The following ZFR variants were observed in gnomAD, a reference collection of about 807,000 sequenced individuals.
ZFR encodes zinc finger RNA binding protein.
In ZFR, 19 loss-of-function variants were observed where a neutral mutation model predicts 130.7. That is an observed-to-expected ratio of 0.15 (90% CI 0.10 to 0.21). ZFR has a LOEUF of 0.21. Among genes scored for constraint, ZFR ranks in the 10% least tolerant of loss-of-function variants. The pLI is 1.00. For missense variants in ZFR, 872 were observed against 1,321.5 expected, an observed-to-expected ratio of 0.66 and a Z score of 5.27; for synonymous variants, 466 against 456.9, an observed-to-expected ratio of 1.02 and a Z score of -0.25.
At chr5:32,416,465 T>C (rs944479882) in intron 4 of ZFR, among the ~76,000 whole-genome samples, 5 of 151,756 alleles carry the variant, frequency 3.3e-5, no homozygotes, top group Non-Finnish European at 5.9e-5. Context: ...AAATACAGAA[T>C]TAGCTGGGCA....
rs750098346 is a variant in ZFR at position 32,403,928 on chromosome 5, A to G, written c.1202T>C (p.Ile401Thr). 6.3e-7 allele frequency: 1 copy of G among 1,592,808 alleles called. No individual in the cohort carries two copies. The change falls in exon 7 of 20, where the codon ATT (isoleucine) becomes ACT (threonine). Residue 401 changes from isoleucine to threonine, a missense_variant. Transcript: ENST00000265069. ...CTGADAYAAH[I>T]RGAKHQKVVK... ...TACTTTCTGATGCTTAGCACCACGA[A>G]TGTGGGCAGCATACGCATCTGCTCC...
intron 17 of ZFR, among the ~76,000 whole-genome samples, chr5:32,366,114 T>C (rs1462717277): frequency 6.6e-6 from 1 of 152,328 alleles, no homozygotes; most frequent in East Asian, 1.9e-4. Context: ...CAGAATTTTG[T>C]AAATACTTAG....
At chr5:32,369,098 G>A (rs544816176) in intron 17 of ZFR, among the ~76,000 whole-genome samples, 1 of 152,316 alleles carries the variant, frequency 6.6e-6, no homozygotes, top group South Asian at 2.1e-4. Flanking sequence ...GCAGGGAAAA[G>A]ATTTACTTAC....
rs1317440714 is a variant in ZFR at position 32,387,688 on chromosome 5, C to T, written c.2360G>A (p.Gly787Glu). Residue 787 changes from glycine (G) to glutamate (E), a missense_variant, in exon 14 of 20, where the codon GGA becomes GAA. Physicochemically the swap from Gly to Glu is moderately conservative, Grantham distance 98. Transcript: ENST00000265069. Reference protein sequence around the residue: ...KEGGKDRALKGVLRVGVLAKG... With the variant: ...KEGGKDRALKEVLRVGVLAKG... ...TGCCAATACTCCCACTCGCAAAACT[C>T]CTTTCAAAGCTCTGCAGTAAAATAA... The T allele has an allele frequency of 6.2e-7, 1 of 1,608,896 alleles. No homozygotes were observed. Among genetic ancestry groups the T allele is most frequent in the Admixed American group, 1.7e-5 (1 of 59,172 alleles).
chr5:32,385,132 G>A (rs776211639), intron 15 of ZFR, among the ~76,000 whole-genome samples: 3 of 152,058 alleles, frequency 2.0e-5, no homozygotes, highest in Non-Finnish European at 4.4e-5. Context: ...CAAGGCAAGA[G>A]CAAAAACTTC....
At chr5:32,389,470 C>T (rs1216763076) in intron 12 of ZFR, among the ~76,000 whole-genome samples, 2 of 152,128 alleles carry the variant, frequency 1.3e-5, no homozygotes, top group Non-Finnish European at 2.9e-5. Flanking sequence ...AGGCATGAGC[C>T]ACTGCACCCA....
intron 9 of ZFR, among the ~76,000 whole-genome samples, chr5:32,398,686 GTTTTC>G (rs945203094): frequency 1.3e-5 from 2 of 152,002 alleles, no homozygotes; most frequent in African/African-American, 4.8e-5. Context: ...TCTTTTTCTT[GTTTTC>G]TTTTCTTTTT....
At position 32,420,079 on chromosome 5, in the gene ZFR, G is replaced by C; in HGVS notation, c.162C>G (p.Ala54=). 2 of 1,588,856 alleles carry C rather than the reference G, an allele frequency of 1.3e-6. No individual in the cohort carries two copies. Among genetic ancestry groups the C allele is most frequent in the Non-Finnish European group, 1.7e-6 (2 of 1,162,886 alleles). ...TAGCAACTGTAGTTGGATGAGAATA[G>C]GCTACACCCGAAGCTGGCTGCTGGC... ...QYSQQPASGV[A]YSHPTTVASY... is the part of the protein sequence containing the mutation. The change falls in exon 3 of 20, where the codon GCC becomes GCG. Residue 54 remains alanine (A), a synonymous_variant. Coordinates refer to ENST00000265069, the MANE Select transcript of ZFR (RefSeq NM_016107.5).
chr5:32,443,893 G>C (rs557557674), intron 2 of ZFR, among the ~76,000 whole-genome samples: 42 of 152,348 alleles, frequency 2.8e-4, no homozygotes, highest in African/African-American at 9.9e-4. Context: ...GGACTGGGGG[G>C]CCTGCCGGGC....
At chr5:32,439,501 G>A (rs1448258753) in intron 2 of ZFR, among the ~76,000 whole-genome samples, 1 of 152,136 alleles carries the variant, frequency 6.6e-6, no homozygotes, top group Non-Finnish European at 1.5e-5. Context: ...CTTTAGGAAC[G>A]GAAGTCCCTA....
intron 2 of ZFR, among the ~76,000 whole-genome samples, chr5:32,424,540 A>G (rs1047390867): frequency 1.3e-5 from 2 of 152,014 alleles, no homozygotes; most frequent in Non-Finnish European, 2.9e-5. Flanking sequence ...CTCAAAAAAA[A>G]AAAAAAAAGA....
chr5:32,399,819 T>A (rs1753405371), intron 9 of ZFR, among the ~76,000 whole-genome samples, 188 bp downstream of exon 9: 2 of 152,072 alleles, frequency 1.3e-5, no homozygotes, highest in South Asian at 2.1e-4. Context: ...AAAAAAAAAA[T>A]CATTATGATG....
chr5:32,389,137 C>T (rs948576928), intron 12 of ZFR, among the ~76,000 whole-genome samples: 11 of 152,130 alleles, frequency 7.2e-5, no homozygotes, highest in Non-Finnish European at 1.3e-4. Flanking sequence ...ACAAGATGTC[C>T]CTTTTACCCA....
chr5:32,415,533 CACTAGTCAGT>C (rs1484464334), intron 4 of ZFR, among the ~76,000 whole-genome samples: 5 of 137,580 alleles, frequency 3.6e-5, no homozygotes, highest in African/African-American at 1.3e-4. Context: ...CGCGCGCGCG[CACTAGTCAGT>C]CTACTTCAGT....
At position 32,372,006 on chromosome 5, in the gene ZFR, A is replaced by T. The variant is rs149487426; in HGVS notation, c.2835+7109T>A. Among the ~76,000 whole-genome samples the T allele has an allele frequency of 3.1e-3, 473 of 152,322 alleles. 1 individual carries two copies. Among genetic ancestry groups the T allele is most frequent in the Non-Finnish European group, 4.9e-3 (335 of 68,026 alleles). ...ATGGAGCAAATCCTGCAAAGACAAA[A>T]GCTCTAGGAGTCCATTCTTGGATTG... On this transcript the variant is annotated intron_variant, in intron 17 of 19. Coordinates refer to ENST00000265069, the MANE Select transcript of ZFR (RefSeq NM_016107.5).
intron 2 of ZFR, among the ~76,000 whole-genome samples, chr5:32,443,349 G>C (rs1277061878): frequency 6.6e-6 from 1 of 152,160 alleles, no homozygotes; most frequent in African/African-American, 2.4e-5. Flanking sequence ...CTTAAAGCAG[G>C]GATTTCATCC....
At chr5:32,394,011 C>T (rs776903462) in intron 11 of ZFR, among the ~76,000 whole-genome samples, 6 of 152,018 alleles carry the variant, frequency 3.9e-5, no homozygotes, top group Non-Finnish European at 7.4e-5. Flanking sequence ...TTTACATATG[C>T]ACAAAAATTA....
intron 17 of ZFR, among the ~76,000 whole-genome samples, chr5:32,372,909 CTTG>C (rs1752708157): frequency 6.6e-6 from 1 of 151,900 alleles, no homozygotes; most frequent in African/African-American, 2.4e-5. Context: ...TACATTATAC[CTTG>C]TTGAGAGCAG....
intron 5 of ZFR, 148 bp from the exon 6 acceptor site, chr5:32,407,169 A>G: frequency 1.4e-6 from 1 of 716,322 alleles, no homozygotes; most frequent in Non-Finnish European, 2.1e-6. Flanking sequence ...AACCAGAAAA[A>G]AGCTTATTTT....
Sources: gnomAD v4.1 joint callset for allele counts (sites outside exome capture counted in the v4.1 genomes callset) on GRCh38, gnomAD v4.1.1 for gene constraint, MANE v1.5 for transcripts, NCBI Gene and HGNC (gene_info 2026-07-23, HGNC 2026-07-21) for gene names.